The following PCDH15 variants were observed in gnomAD, a reference collection of about 807,000 sequenced individuals.
PCDH15 encodes protocadherin related 15.
In PCDH15, 129 loss-of-function variants were observed where a neutral mutation model predicts 178.5. That is an observed-to-expected ratio of 0.72 (90% CI 0.63 to 0.84). PCDH15 has a LOEUF of 0.84. PCDH15 is among the 40% of genes least tolerant of loss of function. The pLI is 0.00. For missense variants in PCDH15, 2,230 were observed against 2,099.9 expected (o/e 1.06, Z -1.21); for synonymous variants, 800 against 732.0 (o/e 1.09, Z -1.50).
chr10:54,890,405 A>T (rs1954439726), intron 3 of PCDH15, among the ~76,000 whole-genome samples: 1 of 152,058 alleles, frequency 6.6e-6, no homozygotes, highest in South Asian at 2.1e-4. Context: ...AAGCAAAAAG[A>T]TAAATGTAAA....
At chr10:54,690,526 G>A (rs890514168) in intron 1 of PCDH15, among the ~76,000 whole-genome samples, 2 of 151,822 alleles carry the variant, frequency 1.3e-5, no homozygotes, top group African/African-American at 2.4e-5. Flanking sequence ...TGTTGGCCAG[G>A]CTTGTCTCGA....
At chr10:54,103,840 C>G (rs1448020448) in intron 15 of PCDH15, among the ~76,000 whole-genome samples, 1 of 152,134 alleles carries the variant, frequency 6.6e-6, no homozygotes, top group Non-Finnish European at 1.5e-5. Context: ...TGATTGAACT[C>G]TATGTTTCTT....
At chr10:55,112,537 G>C (rs1186679061) in intron 2 of PCDH15, among the ~76,000 whole-genome samples, 1 of 152,152 alleles carries the variant, frequency 6.6e-6, no homozygotes, top group Non-Finnish European at 1.5e-5. Flanking sequence ...AGCAAGATAA[G>C]AGGCAGAAGT....
intron 1 of PCDH15, among the ~76,000 whole-genome samples, chr10:54,747,868 T>C (rs796539693): frequency 1.1e-4 from 16 of 148,834 alleles, no homozygotes; most frequent in African/African-American, 3.5e-4. Flanking sequence ...TGCAGTGGCG[T>C]GATCTCCGCT....
chr10:54,692,643 C>A (rs2095142904), intron 1 of PCDH15, among the ~76,000 whole-genome samples: 1 of 147,382 alleles, frequency 6.8e-6, no homozygotes, highest in Non-Finnish European at 1.5e-5. Context: ...AGTTCCATAA[C>A]TTCTAAACGA....
At chr10:54,618,185 G>A (rs7098661) in intron 2 of PCDH15, among the ~76,000 whole-genome samples, 5,766 of 152,078 alleles carry the variant, frequency 0.038, 338 homozygotes, top group African/African-American at 0.13. Flanking sequence ...TGTAGATTAA[G>A]TACATGAGTA....
intron 3 of PCDH15, among the ~76,000 whole-genome samples, chr10:54,406,917 T>C (rs1488571781): frequency 6.6e-6 from 1 of 152,068 alleles, no homozygotes; most frequent in Non-Finnish European, 1.5e-5. Context: ...TTTAAAACTT[T>C]TATTCTTCAA....
intron 2 of PCDH15, among the ~76,000 whole-genome samples, chr10:55,431,982 T>C (rs75841044): frequency 0.013 from 1,957 of 152,164 alleles, 44 homozygotes; most frequent in African/African-American, 0.044. Context: ...TAAATAATAC[T>C]GTAAACATTT....
At chr10:54,186,443 C>A (rs916143390) in intron 11 of PCDH15, among the ~76,000 whole-genome samples, 2 of 151,856 alleles carry the variant, frequency 1.3e-5, no homozygotes, top group Non-Finnish European at 2.9e-5. Flanking sequence ...ATGATTTGAT[C>A]CACAATATAC....
At chr10:53,848,663 T>G (rs2078137011) in intron 28 of PCDH15, among the ~76,000 whole-genome samples, 1 of 151,996 alleles carries the variant, frequency 6.6e-6, no homozygotes, top group South Asian at 2.1e-4. Context: ...AAAATATACC[T>G]GTATCAATTA....
At chr10:54,011,031 A>C (rs1330339817) in intron 20 of PCDH15, among the ~76,000 whole-genome samples, 1 of 152,170 alleles carries the variant, frequency 6.6e-6, no homozygotes, top group African/African-American at 2.4e-5. Flanking sequence ...CAGTCATCAT[A>C]TAGAGAGAAG....
intron 2 of PCDH15, among the ~76,000 whole-genome samples, chr10:55,498,010 C>T (rs1840574046): frequency 6.6e-6 from 1 of 151,894 alleles, no homozygotes; most frequent in African/African-American, 2.4e-5. Context: ...TATATCTACT[C>T]TTAAGTGCAG....
chr10:55,097,152 G>A (rs1180215940), intron 2 of PCDH15, among the ~76,000 whole-genome samples: 6 of 152,046 alleles, frequency 3.9e-5, no homozygotes, highest in Non-Finnish European at 7.4e-5. Flanking sequence ...ACTAAGCAAA[G>A]CACTTACTAA....
At chr10:53,818,879 CTG>C (rs556421770) in intron 33 of PCDH15, among the ~76,000 whole-genome samples, 285 of 152,044 alleles carry the variant, frequency 1.9e-3, no homozygotes, top group African/African-American at 6.6e-3. Context: ...AAAAGAATCT[CTG>C]TAGAAAAATT....
chr10:54,175,561 T>C (rs1475215941), intron 13 of PCDH15, among the ~76,000 whole-genome samples: 1 of 152,192 alleles, frequency 6.6e-6, no homozygotes, highest in East Asian at 1.9e-4. Context: ...ATAGTTAGTT[T>C]AATAATCACA....
intron 2 of PCDH15, among the ~76,000 whole-genome samples, chr10:54,576,139 CT>C (rs1555072125): frequency 7.9e-4 from 1 of 1,264 alleles, no homozygotes; most frequent in Non-Finnish European, 0.013. Flanking sequence ...ATGTATCCAT[CT>C]ATCTATCTAT....
At chr10:53,856,081 A>G (rs972193238) in intron 28 of PCDH15, among the ~76,000 whole-genome samples, 3 of 151,252 alleles carry the variant, frequency 2.0e-5, no homozygotes, top group Non-Finnish European at 2.9e-5. Flanking sequence ...AGCTATGAGG[A>G]CTCAAATGCA....
intron 15 of PCDH15, among the ~76,000 whole-genome samples, chr10:54,094,609 A>G (rs1457867371): frequency 1.3e-5 from 2 of 152,122 alleles, no homozygotes; most frequent in Non-Finnish European, 2.9e-5. Flanking sequence ...GTGTACTTCG[A>G]CCACTTTAAT....
chr10:54,951,806 T>C (rs1466955320), intron 2 of PCDH15, among the ~76,000 whole-genome samples: 1 of 151,926 alleles, frequency 6.6e-6, no homozygotes, highest in Non-Finnish European at 1.5e-5. Flanking sequence ...AAATGGCATA[T>C]AATTTTGAGG....
Sources: allele counts gnomAD v4.1 joint callset (sites outside exome capture counted in the v4.1 genomes callset), GRCh38; gene constraint gnomAD v4.1.1; transcripts MANE v1.5; gene names NCBI Gene and HGNC (gene_info 2026-07-23, HGNC 2026-07-21).